The following ARHGAP10 variants were observed in gnomAD, a reference collection of about 807,000 sequenced individuals.
ARHGAP10 encodes rho GTPase-activating protein 10.
In ARHGAP10, 87 loss-of-function variants were observed where a neutral mutation model predicts 108.6. The observed-to-expected ratio is 0.80, with a 90% confidence interval of 0.67 to 0.96. The LOEUF (loss-of-function observed/expected upper bound fraction) is 0.96, where lower values mean the gene tolerates loss of function less well. Ranked by LOEUF, ARHGAP10 falls within the 40% of genes least tolerant of loss-of-function variation. The pLI is 0.00. For synonymous variants in ARHGAP10, 347 were observed against 341.1 expected (o/e 1.02, Z -0.19); for missense variants, 939 against 954.5 (o/e 0.98, Z 0.21).
Position 148,036,466 on chromosome 4 carries a change from T to C in ARHGAP10, c.1868-10426T>C, listed in dbSNP as rs957203930. 7.2e-5 allele frequency among the ~76,000 whole-genome samples: 11 copies of C among 152,334 alleles called. No individual in the cohort carries two copies. The South Asian group carries it at 1.4e-3, about 20-fold the overall frequency. On this transcript the variant is annotated intron_variant, in intron 19 of 22. Coordinates refer to ENST00000336498, the MANE Select transcript of ARHGAP10 (RefSeq NM_024605.4). ...GGGAGCAGTTACCTCCATGTTGTTA[T>C]TGTGATAGTGAGTGACTTCTCACGA...
At position 147,913,066 on chromosome 4, in the gene ARHGAP10, T is replaced by G; in HGVS notation, c.1163-8T>G. 6.2e-7 allele frequency: 1 copy of G among 1,611,574 alleles called. No individual in the cohort carries two copies. The highest frequency in any genetic ancestry group is 1.3e-5 in the African/African-American group (1 of 74,984). On this transcript the variant is annotated splice_region_variant and splice_polypyrimidine_tract_variant and intron_variant, in intron 12 of 22. Coordinates refer to ENST00000336498, the MANE Select transcript of ARHGAP10 (RefSeq NM_024605.4). ...TGTACACTTAATGTTTTAAACTGTT[T>G]CTTGTAGATGCACAGTTGGATAAGA...
chr4:147,788,542 G>A (rs1730989492), intron 1 of ARHGAP10, among the ~76,000 whole-genome samples: 1 of 152,174 alleles, frequency 6.6e-6, no homozygotes, highest in Admixed American at 6.5e-5. Flanking sequence ...TGAGATTAGG[G>A]GTGAGACCAA....
intron 1 of ARHGAP10, among the ~76,000 whole-genome samples, chr4:147,733,151 A>G (rs746077677): frequency 7.2e-5 from 11 of 152,090 alleles, no homozygotes; most frequent in Non-Finnish European, 1.0e-4. Context: ...CAAATAGGGA[A>G]TTCCACCCCG....
chr4:147,923,145 A>G (rs1253692809), intron 13 of ARHGAP10, among the ~76,000 whole-genome samples: 2 of 152,216 alleles, frequency 1.3e-5, no homozygotes, highest in Non-Finnish European at 2.9e-5. Flanking sequence ...TTCACATAAC[A>G]TGTAGGATTG....
Position 147,824,854 on chromosome 4 carries a change from G to A in ARHGAP10, c.312+1897G>A, listed in dbSNP as rs193088373. ...GGGGACACAGAGCCAAACCATATCA[G>A]CCAGGAGCTGTTCTAAGCTGTTTAC... is the stretch of plus-strand genomic sequence containing the variant. On this transcript the variant is annotated intron_variant, in intron 3 of 22. Coordinates refer to ENST00000336498, the MANE Select transcript of ARHGAP10 (RefSeq NM_024605.4). Among the ~76,000 whole-genome samples, 5 of 152,286 alleles carry A rather than the reference G, an allele frequency of 3.3e-5. No individual in the cohort carries two copies. In the East Asian group the frequency reaches 9.7e-4, roughly 29 times the overall value.
chr4:148,053,746 C>A (rs1329239654), intron 20 of ARHGAP10, among the ~76,000 whole-genome samples: 2 of 152,170 alleles, frequency 1.3e-5, no homozygotes, highest in Non-Finnish European at 2.9e-5. Flanking sequence ...AGAAATTATG[C>A]TATGCCGACT....
At chr4:147,861,837 G>A (rs531183440) in intron 5 of ARHGAP10, 217 of 152,392 alleles carry the variant, frequency 1.4e-3, no homozygotes, top group Middle Eastern at 6.8e-3. Flanking sequence ...GCTCAGAAGG[G>A]AGGAAGTGTG....
intron 19 of ARHGAP10, among the ~76,000 whole-genome samples, chr4:148,043,626 TA>T (rs1728733032): frequency 1.0e-5 from 1 of 96,176 alleles, no homozygotes; most frequent in Admixed American, 1.1e-4. Flanking sequence ...TATATATATA[TA>T]TATATATATA....
intron 19 of ARHGAP10, among the ~76,000 whole-genome samples, chr4:148,037,414 C>G (rs1301850985): frequency 6.6e-6 from 1 of 152,166 alleles, no homozygotes; most frequent in Non-Finnish European, 1.5e-5. Flanking sequence ...AGTCATTGTT[C>G]TGATCCAATA....
intron 1 of ARHGAP10, among the ~76,000 whole-genome samples, chr4:147,790,869 T>A (rs1731088323): frequency 6.6e-6 from 1 of 152,120 alleles, no homozygotes; most frequent in Admixed American, 6.6e-5. Context: ...AGGAAACAAG[T>A]CAAAATATTT....
intron 3 of ARHGAP10, among the ~76,000 whole-genome samples, chr4:147,829,186 A>G (rs1039365890): frequency 7.2e-4 from 110 of 151,894 alleles, no homozygotes; most frequent in African/African-American, 2.6e-3. Flanking sequence ...GAGTAGCTGG[A>G]ACTACACGCG....
chr4:147,847,524 T>C (rs1733684935), intron 4 of ARHGAP10, among the ~76,000 whole-genome samples: 2 of 151,700 alleles, frequency 1.3e-5, no homozygotes, highest in East Asian at 3.9e-4. Flanking sequence ...CTGGGGGGAG[T>C]GTAGTTATTT....
At chr4:147,837,524 T>G (rs1427526317) in intron 3 of ARHGAP10, among the ~76,000 whole-genome samples, 3 of 152,092 alleles carry the variant, frequency 2.0e-5, no homozygotes. Flanking sequence ...CCACTATTGC[T>G]ACTGGATGTG....
intron 1 of ARHGAP10, among the ~76,000 whole-genome samples, chr4:147,783,875 AAC>A (rs1442254448): frequency 9.4e-6 from 1 of 105,930 alleles, no homozygotes; most frequent in African/African-American, 5.8e-5. Flanking sequence ...ATATTTATAT[AAC>A]ACACATTAAA....
intron 1 of ARHGAP10, among the ~76,000 whole-genome samples, chr4:147,743,758 C>T (rs1728792789): frequency 1.3e-5 from 2 of 152,128 alleles, no homozygotes; most frequent in South Asian, 4.1e-4. Flanking sequence ...GCCTGGGCAA[C>T]AAGAGTGAAA....
chr4:147,811,600 A>C (rs1579072987), intron 1 of ARHGAP10, among the ~76,000 whole-genome samples: 1 of 149,344 alleles, frequency 6.7e-6, no homozygotes, highest in South Asian at 2.1e-4. Context: ...TAAAAAAAAA[A>C]AACAAAAAAC....
Position 147,864,929 on chromosome 4 carries a change from A to G in ARHGAP10, c.570A>G (p.Glu190=). ...TGTGTAAGCTGCAGGAAATCCAAGA[A>G]AGAAAGAAGTTTGAGTTTGTGGAAC... ...EYVCKLQEIQ[E]RKKFEFVEPM... Residue 190 remains glutamate, a synonymous_variant, in exon 6 of 23, where the codon GAA becomes GAG. Coordinates refer to ENST00000336498, the MANE Select transcript of ARHGAP10 (RefSeq NM_024605.4). 6.2e-7 allele frequency: 1 copy of G among 1,614,064 alleles called. No homozygotes were observed. The highest frequency in any genetic ancestry group is 8.5e-7 in the Non-Finnish European group (1 of 1,179,964).
intron 15 of ARHGAP10, among the ~76,000 whole-genome samples, chr4:147,954,449 C>G (rs185751137): frequency 6.6e-6 from 1 of 151,676 alleles, no homozygotes; most frequent in Non-Finnish European, 1.5e-5. Context: ...ATGAAATGAC[C>G]TTCTTTATCT....
At chr4:147,755,278 A>G (rs1729320928) in intron 1 of ARHGAP10, among the ~76,000 whole-genome samples, 2 of 152,158 alleles carry the variant, frequency 1.3e-5, no homozygotes, top group African/African-American at 2.4e-5. Flanking sequence ...TTTCTCTTAC[A>G]TAACCAGTCT....
Sources: gnomAD v4.1 joint callset for allele counts (sites outside exome capture counted in the v4.1 genomes callset) on GRCh38, gnomAD v4.1.1 for gene constraint, MANE v1.5 for transcripts, NCBI Gene and HGNC (gene_info 2026-07-23, HGNC 2026-07-21) for gene names.